Variants in LHFPL3 observed in about 807,000 individuals in gnomAD.
LHFPL3 encodes the protein LHFPL tetraspan subfamily member 3, also known as LHFPL tetraspan subfamily member 3 protein.
LHFPL3 carries 5 observed loss-of-function variants against 19.3 expected under a neutral mutation model. The observed-to-expected ratio is 0.26, with a 90% CI of 0.14 to 0.54. The LOEUF is 0.54. Among genes scored for constraint, LHFPL3 ranks in the 20% least tolerant of loss-of-function variants. LHFPL3 has a pLI of 0.94. For missense variants in LHFPL3, 249 were observed against 307.4 expected (o/e 0.81, Z 1.42); for synonymous variants, 133 against 126.2 (o/e 1.05, Z -0.36).
At position 104,593,830 on chromosome 7, in the gene LHFPL3, T is replaced by C. The variant is rs193011757; in HGVS notation, c.446-142845T>C. ...GTCTCTTTTGAACCAACAAAGTTGG[T>C]TTAAAGTCTGTTTTATCAGATACTA... On this transcript the variant is annotated intron_variant, in intron 1 of 2. Coordinates refer to ENST00000424859, the MANE Select transcript of LHFPL3 (RefSeq NM_199000.3). Among the ~76,000 whole-genome samples the C allele has an allele frequency of 3.9e-5, 6 of 152,222 alleles. No individual in the cohort carries two copies. The East Asian group carries it at 1.2e-3, about 29-fold the overall frequency.
chr7:104,594,078 A>G (rs970835899), intron 1 of LHFPL3, among the ~76,000 whole-genome samples: 8 of 152,158 alleles, frequency 5.3e-5, no homozygotes, highest in Admixed American at 2.6e-4. Flanking sequence ...TCCTGTCATT[A>G]TGATGTTAGC....
At chr7:104,794,386 C>A (rs1790077826) in intron 2 of LHFPL3, among the ~76,000 whole-genome samples, 1 of 152,136 alleles carries the variant, frequency 6.6e-6, no homozygotes, top group South Asian at 2.1e-4. Flanking sequence ...CCAGAAAAGG[C>A]ATGAACTGAA....
chr7:104,591,177 G>C (rs1410530133), intron 1 of LHFPL3, among the ~76,000 whole-genome samples: 2 of 152,144 alleles, frequency 1.3e-5, no homozygotes, highest in African/African-American at 4.8e-5. Context: ...TGGTTATTTT[G>C]CTCGTTAGTT....
intron 1 of LHFPL3, among the ~76,000 whole-genome samples, chr7:104,385,776 C>T (rs780226995): frequency 1.5e-4 from 23 of 152,202 alleles, no homozygotes; most frequent in Admixed American, 2.6e-4. Flanking sequence ...ATAAATGTTT[C>T]TAAGTAGAAA....
At chr7:104,410,209 T>C (rs148333205) in intron 1 of LHFPL3, among the ~76,000 whole-genome samples, 3,646 of 152,280 alleles carry the variant, frequency 0.024, 63 homozygotes, top group South Asian at 0.048. Flanking sequence ...CTTGGCTCAC[T>C]GCAACCTCCA....
intron 1 of LHFPL3, among the ~76,000 whole-genome samples, chr7:104,492,807 G>A (rs1793383887): frequency 6.6e-6 from 1 of 152,082 alleles, no homozygotes; most frequent in African/African-American, 2.4e-5. Context: ...TCTTAGAGGA[G>A]GAGGGAGATG....
intron 1 of LHFPL3, among the ~76,000 whole-genome samples, chr7:104,508,966 T>C (rs1331748273): frequency 1.3e-5 from 2 of 151,824 alleles, no homozygotes. Flanking sequence ...GAGTATACAA[T>C]GAACAACTCT....
chr7:104,385,045 A>C (rs1302875372), intron 1 of LHFPL3, among the ~76,000 whole-genome samples: 1 of 151,942 alleles, frequency 6.6e-6, no homozygotes, highest in Non-Finnish European at 1.5e-5. Context: ...ATGTGCCTTA[A>C]CCTTTACTCT....
chr7:104,461,722 T>A (rs1416856943), intron 1 of LHFPL3, among the ~76,000 whole-genome samples: 2 of 152,150 alleles, frequency 1.3e-5, no homozygotes, highest in Non-Finnish European at 2.9e-5. Flanking sequence ...TCTTTGTTCT[T>A]GGTTATTTGG....
At chr7:104,878,926 A>G (rs1791996789) in intron 2 of LHFPL3, among the ~76,000 whole-genome samples, 1 of 152,232 alleles carries the variant, frequency 6.6e-6, no homozygotes, top group African/African-American at 2.4e-5. Flanking sequence ...TCTGATATAG[A>G]AAAGCTTCTA....
intron 2 of LHFPL3, among the ~76,000 whole-genome samples, chr7:104,872,788 C>T (rs1791861201): frequency 6.6e-6 from 1 of 152,154 alleles, no homozygotes; most frequent in South Asian, 2.1e-4. Context: ...TCTGGAATAC[C>T]ACCTGAGGAC....
At chr7:104,744,602 C>A (rs1403491525) in intron 2 of LHFPL3, among the ~76,000 whole-genome samples, 2 of 152,222 alleles carry the variant, frequency 1.3e-5, no homozygotes, top group Non-Finnish European at 2.9e-5. Flanking sequence ...TCTCCTCCCA[C>A]TCTTTTCATG....
intron 1 of LHFPL3, among the ~76,000 whole-genome samples, chr7:104,383,417 A>G (rs1263832609): frequency 1.3e-5 from 2 of 152,190 alleles, no homozygotes; most frequent in African/African-American, 4.8e-5. Flanking sequence ...CCACATAGTA[A>G]TTGGTTCCTG....
At chr7:104,578,733 A>G (rs544620443) in intron 1 of LHFPL3, among the ~76,000 whole-genome samples, 1 of 152,072 alleles carries the variant, frequency 6.6e-6, no homozygotes, top group South Asian at 2.1e-4. Context: ...GGACCACTAT[A>G]CCCCTTAATC....
intron 1 of LHFPL3, among the ~76,000 whole-genome samples, chr7:104,717,753 A>C (rs968899466): frequency 2.0e-5 from 3 of 152,190 alleles, no homozygotes; most frequent in Non-Finnish European, 2.9e-5. Context: ...GCAGTTCCTC[A>C]AAAAATTAAA....
intron 1 of LHFPL3, among the ~76,000 whole-genome samples, chr7:104,335,119 C>T (rs1584593930): frequency 6.6e-6 from 1 of 152,128 alleles, no homozygotes; most frequent in Non-Finnish European, 1.5e-5. Context: ...GGGGACAGAA[C>T]TGGGATGTAC....
intron 2 of LHFPL3, among the ~76,000 whole-genome samples, chr7:104,840,273 C>G (rs1682169171): frequency 1.4e-5 from 2 of 147,598 alleles, no homozygotes; most frequent in South Asian, 4.3e-4. Flanking sequence ...CTTGAAGATT[C>G]TCATTTCTTT....
chr7:104,553,662 A>G (rs1794703369), intron 1 of LHFPL3, among the ~76,000 whole-genome samples: 1 of 152,324 alleles, frequency 6.6e-6, no homozygotes, highest in African/African-American at 2.4e-5. Context: ...ACCGATTTAC[A>G]TTACAGTCCT....
At chr7:104,721,682 T>A (rs1214945809) in intron 1 of LHFPL3, among the ~76,000 whole-genome samples, 1 of 151,962 alleles carries the variant, frequency 6.6e-6, no homozygotes, top group Non-Finnish European at 1.5e-5. Flanking sequence ...CAGACACTCA[T>A]CAGGTAACTC....
Sources: gnomAD v4.1 joint callset for allele counts (sites outside exome capture counted in the v4.1 genomes callset) on GRCh38, gnomAD v4.1.1 for gene constraint, MANE v1.5 for transcripts, NCBI Gene and HGNC (gene_info 2026-07-23, HGNC 2026-07-21) for gene names.